The following PLCB1 variants were observed in gnomAD, a reference collection of about 807,000 sequenced individuals.
PLCB1 encodes phospholipase C beta 1, also known as 1-phosphatidylinositol 4,5-bisphosphate phosphodiesterase beta-1.
PLCB1 carries 46 observed loss-of-function variants against 161.8 expected under a neutral mutation model. The ratio of observed to expected loss-of-function variants is 0.28; its 90% CI spans 0.22 to 0.36. The LOEUF is 0.36. Ranked by LOEUF, PLCB1 falls within the 10% of genes least tolerant of loss-of-function variation. PLCB1 has a pLI of 1.00. For synonymous variants in PLCB1, 517 were observed against 503.7 expected (o/e 1.03, Z -0.35); for missense variants, 1,016 against 1,472.5 (o/e 0.69, Z 5.07).
chr20:8,739,160 AAG>A, intron 20 of PLCB1, 99 bp from the exon 21 acceptor site: 2 of 797,230 alleles, frequency 2.5e-6, no homozygotes, highest in East Asian at 4.9e-5. Context: ...CAAAAAAAGA[AAG>A]AGAAAAGAAA....
chr20:8,443,962 C>T (rs1364937654), intron 3 of PLCB1, among the ~76,000 whole-genome samples: 4 of 152,116 alleles, frequency 2.6e-5, no homozygotes, highest in Non-Finnish European at 2.9e-5. Context: ...CTTACACCTC[C>T]GACTTTTTTC....
intron 2 of PLCB1, among the ~76,000 whole-genome samples, chr20:8,242,531 A>G (rs1980673603): frequency 6.6e-6 from 1 of 151,940 alleles, no homozygotes; most frequent in Non-Finnish European, 1.5e-5. Context: ...TGAGAGGGGA[A>G]GTTTGCAAGG....
At chr20:8,232,242 A>G (rs1980090696) in intron 2 of PLCB1, among the ~76,000 whole-genome samples, 1 of 152,018 alleles carries the variant, frequency 6.6e-6, no homozygotes, top group African/African-American at 2.4e-5. Context: ...AGAGAGAGAG[A>G]GAGAGAGAAA....
At chr20:8,639,985 C>T (rs1023518748) in intron 4 of PLCB1, among the ~76,000 whole-genome samples, 1 of 151,500 alleles carries the variant, frequency 6.6e-6, no homozygotes, top group Non-Finnish European at 1.5e-5. Context: ...AGGCCAAAGA[C>T]AAAGAATCGT....
At chr20:8,649,526 A>G (rs1472617387) in intron 7 of PLCB1, 77 bp downstream of exon 7, 7 of 1,028,796 alleles carry the variant, frequency 6.8e-6, no homozygotes, top group African/African-American at 3.1e-5. Flanking sequence ...CCCCAATATG[A>G]CAGTTTTGAG....
intron 2 of PLCB1, among the ~76,000 whole-genome samples, chr20:8,196,923 G>A (rs781451651): frequency 6.6e-6 from 1 of 151,790 alleles, no homozygotes; most frequent in Non-Finnish European, 1.5e-5. Flanking sequence ...GCGGTGTTTG[G>A]TTTTTTGTCC....
intron 31 of PLCB1, among the ~76,000 whole-genome samples, chr20:8,800,771 C>A (rs1323358000): frequency 6.6e-6 from 1 of 152,076 alleles, no homozygotes; most frequent in Admixed American, 6.6e-5. Context: ...TGTTACAATT[C>A]TTAAGTTTCT....
At chr20:8,376,429 A>C (rs548794865) in intron 3 of PLCB1, among the ~76,000 whole-genome samples, 81 of 152,308 alleles carry the variant, frequency 5.3e-4, no homozygotes, top group African/African-American at 1.9e-3. Flanking sequence ...CTCTACATAA[A>C]CATGATAGCT....
intron 3 of PLCB1, among the ~76,000 whole-genome samples, chr20:8,574,196 A>G (rs1216080909): frequency 6.6e-6 from 1 of 152,218 alleles, no homozygotes; most frequent in African/African-American, 2.4e-5. Context: ...TGAAGTCAGG[A>G]GTTCAAGACC....
At chr20:8,149,082 T>C (rs949712109) in intron 1 of PLCB1, among the ~76,000 whole-genome samples, 20 of 152,206 alleles carry the variant, frequency 1.3e-4, no homozygotes, top group Non-Finnish European at 2.9e-4. Flanking sequence ...TCTGTATATT[T>C]TACTGCAGTA....
rs142416903 is a variant in PLCB1 at position 8,605,382 on chromosome 20, A to G, written c.247-22912A>G. 2.6e-4 allele frequency among the ~76,000 whole-genome samples: 40 copies of G among 152,182 alleles called. No individual in the cohort carries two copies. The East Asian group carries it at 7.3e-3, about 28-fold the overall frequency. ...TCCACTTATAGACGTAGTTCACTTG[A>G]TTAATTTTGAATTCCCCTTAATTGA... On this transcript the variant is annotated intron_variant, in intron 3 of 31. Coordinates refer to ENST00000338037, the MANE Select transcript of PLCB1 (RefSeq NM_015192.4).
chr20:8,730,296 T>G, intron 18 of PLCB1, among the ~76,000 whole-genome samples: 1 of 151,918 alleles, frequency 6.6e-6, no homozygotes, highest in East Asian at 1.9e-4. Context: ...AAAATTTAAT[T>G]TTGGTCCATA....
chr20:8,690,862 A>G (rs768990), intron 10 of PLCB1, among the ~76,000 whole-genome samples: 100,087 of 151,994 alleles, frequency 0.66, 34,054 homozygotes, highest in South Asian at 0.78. Context: ...AGGACAGTTA[A>G]TTTGTGAGGT....
At chr20:8,805,780 G>A (rs967117662) in intron 31 of PLCB1, among the ~76,000 whole-genome samples, 1 of 152,180 alleles carries the variant, frequency 6.6e-6, no homozygotes, top group East Asian at 1.9e-4. Context: ...CTGAAGCTAA[G>A]ATTTTATGAT....
chr20:8,601,227 C>T (rs1987576965), intron 3 of PLCB1, among the ~76,000 whole-genome samples: 2 of 152,148 alleles, frequency 1.3e-5, no homozygotes, highest in African/African-American at 4.8e-5. Context: ...GTGTTTTTAA[C>T]ATTTATTTTA....
chr20:8,702,598 G>A (rs1027461049), intron 11 of PLCB1, among the ~76,000 whole-genome samples: 3 of 152,130 alleles, frequency 2.0e-5, no homozygotes, highest in African/African-American at 4.8e-5. Context: ...GTTGTCTGTC[G>A]AGGATAAAGG....
intron 1 of PLCB1, among the ~76,000 whole-genome samples, chr20:8,136,553 GA>G (rs571311303): frequency 3.6e-4 from 55 of 151,704 alleles, no homozygotes; most frequent in African/African-American, 1.3e-3. Flanking sequence ...GTGAACCTGG[GA>G]GGCGGAGCTT....
At chr20:8,308,506 A>C (rs906327922) in intron 2 of PLCB1, among the ~76,000 whole-genome samples, 3 of 151,492 alleles carry the variant, frequency 2.0e-5, no homozygotes, top group Admixed American at 6.6e-5. Context: ...AATCCCAGCT[A>C]CTCGGGAGGC....
At chr20:8,595,189 C>A (rs1192564017) in intron 3 of PLCB1, among the ~76,000 whole-genome samples, 1 of 150,236 alleles carries the variant, frequency 6.7e-6, no homozygotes, top group South Asian at 2.1e-4. Context: ...CATGCTGGTA[C>A]GCTGCACCCA....
Sources: gnomAD v4.1 joint callset for allele counts (sites outside exome capture counted in the v4.1 genomes callset) on GRCh38, gnomAD v4.1.1 for gene constraint, MANE v1.5 for transcripts, NCBI Gene and HGNC (gene_info 2026-07-23, HGNC 2026-07-21) for gene names.